The following BIRC6 variants were observed in gnomAD, a reference collection of about 807,000 sequenced individuals.
The protein encoded by BIRC6 is dual E2 ubiquitin-conjugating enzyme/E3 ubiquitin-protein ligase BIRC6.
BIRC6 carries 98 observed loss-of-function variants against 503.3 expected under a neutral mutation model. That is an observed-to-expected ratio of 0.19 (90% CI 0.17 to 0.23). The LOEUF (loss-of-function observed/expected upper bound fraction) is 0.23. BIRC6 is among the 10% of genes least tolerant of loss of function. The probability of loss-of-function intolerance (pLI) is 1.00; values close to 1 mark genes in which losing one functional copy is unlikely to be tolerated. For missense variants in BIRC6, 5,360 were observed against 5,806.0 expected (o/e 0.92, Z 2.50); for synonymous variants, 2,240 against 2,078.7 (o/e 1.08, Z -2.11).
chr2:32,508,156 C>G lies in BIRC6; in HGVS notation c.9877C>G (p.Leu3293Val), dbSNP rs2053991701. Residue 3293 changes from leucine (L) to valine (V), a missense_variant, in exon 51 of 74, where the codon CTT (leucine) becomes GTT (valine). By Grantham distance (32) the Leu-to-Val change is conservative (BLOSUM62 1). Around this residue, in one of 16 missense-constraint regions of BIRC6, gnomAD observed 62 missense variants for 107.4 expected, o/e 0.58. Transcript: ENST00000421745. ...TCCACGGGATGCCAGCACATTAGGC[C>G]TTTCACAAATTAAATTATTGGGGCT... Reference protein sequence around the residue: ...HRPRDASTLGLSQIKLLGLTA... With the variant: ...HRPRDASTLGVSQIKLLGLTA... 2 of 1,613,676 alleles carry G rather than the reference C, an allele frequency of 1.2e-6. No homozygotes were observed. The highest frequency in any genetic ancestry group is 1.7e-6 in the Non-Finnish European group (2 of 1,179,840).
In BIRC6 at chr2:32,499,746, C is replaced by T. The variant is rs777227964; in HGVS notation, c.8668C>T (p.Arg2890Ter). ...TGGATCAGATAGCTCCGTGGGTGCT[C>T]GAGCATGCTTTGGGGGACTCTTTGC... ...RSGSDSSVGA[R>*]ACFGGLFANL... The change falls in exon 46 of 74, where the codon CGA (arginine) becomes TGA (stop). Residue 2890 changes from arginine to a stop codon, truncating the protein, a stop_gained. Coordinates refer to ENST00000421745, the MANE Select transcript of BIRC6 (RefSeq NM_016252.4). LOFTEE classifies it high-confidence loss of function. The T allele has an allele frequency of 9.3e-6, 15 of 1,613,798 alleles. No homozygotes were observed. In the Admixed American group the frequency reaches 1.7e-4, roughly 18 times the overall value.
rs182820575 is a variant in BIRC6, at chr2:32,545,554, G to A, written c.12593-89G>A. The A allele has an allele frequency of 7.6e-4, 802 of 1,061,682 alleles. 5 individuals carry two copies. The East Asian group carries it at 8.4e-3, about 11-fold the overall frequency. The allele number at this position is 1,061,682 out of a possible 1,614,324, so 65.8% of individuals were successfully genotyped here. A position where few individuals can be genotyped will look rare whatever the true frequency, so the allele number is the denominator to read the frequency against. ...TTTAGTGGTATACTTTTGTATTACA[G>A]TGTCATTATTAATTTATGACCCTGT... On this transcript the variant is annotated intron_variant, in intron 62 of 73. Coordinates refer to ENST00000421745, the MANE Select transcript of BIRC6 (RefSeq NM_016252.4).
chr2:32,429,152 A>T lies in BIRC6; in HGVS notation c.2879A>T (p.Glu960Val). 1 of 1,588,986 alleles carries T rather than the reference A, an allele frequency of 6.3e-7. No individual in the cohort carries two copies. Among genetic ancestry groups the T allele is most frequent in the Non-Finnish European group, 8.6e-7 (1 of 1,168,436 alleles). ...DRLCACTKGG[E>V]LHFLQIGGTC... The stretch of plus-strand genomic sequence containing the variant: ...GAAATTTACTACACTGTAGGTGGTG[A>T]GCTTCATTTTCTCCAAATTGGAGGA... Residue 960 changes from glutamate to valine, a missense_variant, in exon 11 of 74, where the codon GAG (glutamate) becomes GTG (valine). Transcript: ENST00000421745.
chr2:32,459,628 T>C (rs983132251), intron 23 of BIRC6, among the ~76,000 whole-genome samples: 1 of 152,190 alleles, frequency 6.6e-6, no homozygotes, highest in African/African-American at 2.4e-5. Context: ...AGAATTGGCA[T>C]CCTAATATTG....
At chr2:32,553,449 A>G (rs1370929238) in intron 65 of BIRC6, among the ~76,000 whole-genome samples, 1 of 151,742 alleles carries the variant, frequency 6.6e-6, no homozygotes, top group African/African-American at 2.4e-5. Flanking sequence ...GTGCAGTGAT[A>G]TGATCTTGGC....
chr2:32,501,016 T>TA (rs1417545198), intron 46 of BIRC6, among the ~76,000 whole-genome samples: 3 of 152,196 alleles, frequency 2.0e-5, no homozygotes, highest in African/African-American at 7.2e-5. Flanking sequence ...ACATTTGCTT[T>TA]AAAAATAAAA....
intron 22 of BIRC6, among the ~76,000 whole-genome samples, chr2:32,450,058 T>C (rs2046512131): frequency 6.6e-6 from 1 of 152,182 alleles, no homozygotes; most frequent in Non-Finnish European, 1.5e-5. Flanking sequence ...GCCTTCAGTA[T>C]ACCAAAAGAA....
intron 57 of BIRC6, 96 bp downstream of exon 57, chr2:32,519,042 G>A (rs1459207241): frequency 8.1e-7 from 1 of 1,235,664 alleles, no homozygotes; most frequent in East Asian, 2.6e-5. Flanking sequence ...CATCCACTTT[G>A]CAACCATTGA....
intron 49 of BIRC6, among the ~76,000 whole-genome samples, chr2:32,504,252 A>G (rs1346574506): frequency 2.0e-5 from 3 of 151,966 alleles, no homozygotes; most frequent in Non-Finnish European, 4.4e-5. Flanking sequence ...TTACTTTTTT[A>G]TCTAGTTTAC....
chr2:32,515,172 A>G lies in BIRC6; in HGVS notation c.10751A>G (p.Lys3584Arg). The G allele has an allele frequency of 6.2e-7, 1 of 1,614,002 alleles. No individual in the cohort carries two copies. Among genetic ancestry groups the G allele is most frequent in the Non-Finnish European group, 8.5e-7 (1 of 1,179,892 alleles). ...HHRLSMTDDS[K>R]KQDLSSSLTD... Reference sequence around the variant, plus strand: ...AGACTGTCCATGACAGATGATAGCAAAAAGCAGGATCTTAGTTCATCTTTA... The same window carrying G: ...AGACTGTCCATGACAGATGATAGCAGAAAGCAGGATCTTAGTTCATCTTTA... The change falls in exon 55 of 74, where the codon AAA becomes AGA. Residue 3584 changes from lysine to arginine, a missense_variant. Physicochemically the swap from Lys to Arg is conservative, Grantham distance 26 (BLOSUM62 2). Around this residue, in one of 16 missense-constraint regions of BIRC6, gnomAD observed 878 missense variants for 928.9 expected, o/e 0.95. Transcript: ENST00000421745.
At chr2:32,434,455 A>G (rs976498127) in intron 13 of BIRC6, among the ~76,000 whole-genome samples, 1 of 152,188 alleles carries the variant, frequency 6.6e-6, no homozygotes, top group Non-Finnish European at 1.5e-5. Flanking sequence ...TTCACATCCC[A>G]GGAGTCAACC....
At chr2:32,443,642 A>G in intron 20 of BIRC6, 54 bp downstream of exon 20, 1 of 1,267,588 alleles carries the variant, frequency 7.9e-7, no homozygotes, top group Non-Finnish European at 1.1e-6. Flanking sequence ...AACATCTCAT[A>G]TGTATACTTA....
At position 32,482,406 on chromosome 2, in the gene BIRC6, A is replaced by G. The variant is rs771154210; in HGVS notation, c.7543-23A>G. ...CAGCCAAGAGGCAAAAATAAACCAC[A>G]GTTTTTTTTCCATTCTTTTAAGCCA... On this transcript the variant is annotated intron_variant, in intron 38 of 73. Coordinates refer to ENST00000421745, the MANE Select transcript of BIRC6 (RefSeq NM_016252.4). The G allele has an allele frequency of 2.5e-6, 4 of 1,602,384 alleles. No homozygotes were observed. In the East Asian group the frequency reaches 6.7e-5, roughly 27 times the overall value.
chr2:32,439,499 C>T lies in BIRC6; in HGVS notation c.3632-9C>T, dbSNP rs369224337. 8 of 1,610,090 alleles carry T rather than the reference C, an allele frequency of 5.0e-6. No individual in the cohort carries two copies. The highest frequency in any genetic ancestry group is 5.1e-6 in the Non-Finnish European group (6 of 1,177,734). ...CAGTTATTTTCCCCATTCTACTCCA[C>T]TTCTCTAGGTATGGCAGGAGGAAAA... On this transcript the variant is annotated splice_polypyrimidine_tract_variant and intron_variant, in intron 15 of 73. Coordinates refer to ENST00000421745, the MANE Select transcript of BIRC6 (RefSeq NM_016252.4).
chr2:32,513,222 C>G, intron 54 of BIRC6, 68 bp downstream of exon 54: 1 of 1,155,610 alleles, frequency 8.7e-7, no homozygotes, highest in Non-Finnish European at 1.3e-6. Context: ...CTTGATAAAA[C>G]AAAATATTTT....
intron 68 of BIRC6, among the ~76,000 whole-genome samples, chr2:32,597,208 C>G (rs1172374190): frequency 1.3e-5 from 2 of 152,162 alleles, no homozygotes; most frequent in Non-Finnish European, 2.9e-5. Flanking sequence ...ATTTGTTTAA[C>G]CAGTAAGTGG....
rs187888020 is a variant in BIRC6 at position 32,486,839 on chromosome 2, A to G, written c.7814-808A>G. On this transcript the variant is annotated intron_variant, in intron 40 of 73. Coordinates refer to ENST00000421745, the MANE Select transcript of BIRC6 (RefSeq NM_016252.4). ...TCTATAATCTCAGTATTGGTACACA[A>G]ATATTCTTGTATCTTATCTCCCAGG... 2.0e-5 allele frequency among the ~76,000 whole-genome samples: 3 copies of G among 152,304 alleles called. No individual in the cohort carries two copies. The East Asian group carries it at 5.8e-4, about 29-fold the overall frequency.
intron 9 of BIRC6, among the ~76,000 whole-genome samples, chr2:32,412,545 A>T (rs553406430): frequency 6.6e-6 from 1 of 152,100 alleles, no homozygotes; most frequent in Admixed American, 6.5e-5. Context: ...AAGATGATAT[A>T]ATGTAATGTA....
chr2:32,610,280 T>C (rs1333656171), intron 72 of BIRC6, among the ~76,000 whole-genome samples: 3 of 152,236 alleles, frequency 2.0e-5, no homozygotes, highest in African/African-American at 4.8e-5. Flanking sequence ...TGTTTCCAAA[T>C]TGATAATTGT....
Sources: gnomAD v4.1 joint callset for allele counts (sites outside exome capture counted in the v4.1 genomes callset) on GRCh38, gnomAD v4.1.1 for gene constraint, gnomAD v4.1.1 regional missense constraint, MANE v1.5 for transcripts, NCBI Gene and HGNC (gene_info 2026-07-23, HGNC 2026-07-21) for gene names.